Variants in TRPS1 observed in about 807,000 individuals in gnomAD.
The protein encoded by TRPS1 is zinc finger transcription factor Trps1.
Under a neutral mutation model 101.2 loss-of-function variants are expected in TRPS1, and 6 were observed. The observed-to-expected ratio is 0.06, with a 90% CI of 0.03 to 0.12. The LOEUF (loss-of-function observed/expected upper bound fraction) is 0.12. Ranked by LOEUF, TRPS1 falls within the 10% of genes least tolerant of loss-of-function variation. TRPS1 has a pLI of 1.00. For synonymous variants in TRPS1, 578 were observed against 589.8 expected (o/e 0.98, Z 0.29); for missense variants, 1,363 against 1,567.0 (o/e 0.87, Z 2.20).
At chr8:115,484,725 C>T (rs1814836413) in intron 5 of TRPS1, among the ~76,000 whole-genome samples, 1 of 152,118 alleles carries the variant, frequency 6.6e-6, no homozygotes, top group Admixed American at 6.6e-5. Context: ...GGGTAAGATG[C>T]CATACTAATT....
chr8:115,563,735 T>TC (rs1254639602), intron 5 of TRPS1, among the ~76,000 whole-genome samples: 1 of 152,060 alleles, frequency 6.6e-6, no homozygotes, highest in Non-Finnish European at 1.5e-5. Flanking sequence ...CACTTTAAGT[T>TC]CCCAAGCTGT....
rs1817988961 is a variant in TRPS1 at position 115,604,545 on chromosome 8, A to C, written c.1424T>G (p.Val475Gly). 6.2e-7 allele frequency: 1 copy of C among 1,613,974 alleles called. No homozygotes were observed. Among genetic ancestry groups the C allele is most frequent in the Non-Finnish European group, 8.5e-7 (1 of 1,179,992 alleles). The change falls in exon 4 of 7, where the codon GTG becomes GGG. Residue 475 changes from valine to glycine, a missense_variant. Physicochemically the swap from Val to Gly is moderately radical, Grantham distance 109. Around this residue, in one of 5 missense-constraint regions of TRPS1, gnomAD observed 1,020 missense variants for 1,073.0 expected, o/e 0.95. Coordinates refer to ENST00000395715, the MANE Select transcript of TRPS1 (RefSeq NM_014112.5). The surrounding 1 kb of genome is among the most constrained non-coding windows in gnomAD (Gnocchi z 4.1). ...LEHYGKQHGA[V>G]QSGGLNPELN... ...CTCTGGATTAAGGCCGCCTGACTGC[A>C]CTGCTCCGTGCTGCTTGCCATAATG...
intron 5 of TRPS1, among the ~76,000 whole-genome samples, chr8:115,572,272 G>A (rs748866769): frequency 1.1e-4 from 17 of 151,992 alleles, no homozygotes; most frequent in Non-Finnish European, 7.4e-5. Context: ...ATTTTTAGTT[G>A]GAGTGAAAAG....
At chr8:115,458,572 T>C (rs1304967815) in intron 5 of TRPS1, among the ~76,000 whole-genome samples, 1 of 152,170 alleles carries the variant, frequency 6.6e-6, no homozygotes, top group Non-Finnish European at 1.5e-5. Context: ...TGAATAATTT[T>C]GCTATACTTT....
At chr8:115,573,222 G>A (rs1387826327) in intron 5 of TRPS1, among the ~76,000 whole-genome samples, 1 of 152,050 alleles carries the variant, frequency 6.6e-6, no homozygotes, top group Non-Finnish European at 1.5e-5. Flanking sequence ...TTCACTAGCT[G>A]GGTGACTTTT....
intron 5 of TRPS1, among the ~76,000 whole-genome samples, chr8:115,533,444 T>TGTTTG (rs1554583388): frequency 1.6e-5 from 2 of 126,536 alleles, no homozygotes; most frequent in African/African-American, 6.8e-5. Context: ...CTGTTTTTTT[T>TGTTTG]TTTTTTTTTT....
chr8:115,440,969 A>G (rs1813578262), intron 5 of TRPS1, among the ~76,000 whole-genome samples: 1 of 152,174 alleles, frequency 6.6e-6, no homozygotes, highest in South Asian at 2.1e-4. Flanking sequence ...TTCAATTAGA[A>G]TATTTTTGCT....
At chr8:115,606,363 T>C (rs1818038153) in intron 3 of TRPS1, among the ~76,000 whole-genome samples, 1 of 152,208 alleles carries the variant, frequency 6.6e-6, no homozygotes, top group Non-Finnish European at 1.5e-5. Flanking sequence ...ACCTCCAAAT[T>C]TATGTCCAGT....
chr8:115,512,892 T>C (rs1224792470), intron 5 of TRPS1, among the ~76,000 whole-genome samples: 1 of 151,700 alleles, frequency 6.6e-6, no homozygotes, highest in Non-Finnish European at 1.5e-5. Flanking sequence ...CAAAAACATT[T>C]AACTCCTTTT....
At chr8:115,486,109 G>A (rs983018884) in intron 5 of TRPS1, among the ~76,000 whole-genome samples, 2 of 152,174 alleles carry the variant, frequency 1.3e-5, no homozygotes, top group African/African-American at 4.8e-5. Flanking sequence ...TTTCCCAACA[G>A]CACGTGCTCA....
intron 1 of TRPS1, 48 bp from the exon 2 acceptor site, chr8:115,623,806 C>T: frequency 1.4e-6 from 2 of 1,402,190 alleles, no homozygotes; most frequent in African/African-American, 2.9e-5. Flanking sequence ...ATGATGTAAA[C>T]ATATTTTCAT....
intron 5 of TRPS1, among the ~76,000 whole-genome samples, chr8:115,560,538 T>C (rs762274579): frequency 7.2e-5 from 11 of 152,116 alleles, no homozygotes; most frequent in Non-Finnish European, 1.6e-4. Context: ...AATGCAAAAT[T>C]AGCCACACTG....
intron 3 of TRPS1, among the ~76,000 whole-genome samples, chr8:115,618,799 C>A (rs1818323724): frequency 6.6e-6 from 1 of 152,106 alleles, no homozygotes; most frequent in Non-Finnish European, 1.5e-5. Context: ...TCATGTGCAA[C>A]CATAAAGATT....
intron 1 of TRPS1, among the ~76,000 whole-genome samples, chr8:115,667,627 C>T (rs540661579): frequency 6.6e-6 from 1 of 152,336 alleles, no homozygotes; most frequent in South Asian, 2.1e-4. Flanking sequence ...GGCCCTGCCA[C>T]ATGGTACGGA....
intron 5 of TRPS1, among the ~76,000 whole-genome samples, chr8:115,512,134 C>T (rs1461298600): frequency 3.3e-5 from 5 of 151,732 alleles, no homozygotes; most frequent in Middle Eastern, 6.8e-3. Flanking sequence ...TTTATAAAAG[C>T]TATAAAAATT....
chr8:115,415,586 T>G (rs1812899119), intron 6 of TRPS1, among the ~76,000 whole-genome samples: 1 of 152,084 alleles, frequency 6.6e-6, no homozygotes, highest in Non-Finnish European at 1.5e-5. Context: ...GGAGACAGGG[T>G]CCTTAGTAGG....
At chr8:115,656,502 T>G (rs1327767936) in intron 1 of TRPS1, among the ~76,000 whole-genome samples, 2 of 152,120 alleles carry the variant, frequency 1.3e-5, no homozygotes, top group African/African-American at 2.4e-5. Context: ...GTGAGTTCTT[T>G]TTTTTCTTTT....
intron 5 of TRPS1, among the ~76,000 whole-genome samples, chr8:115,529,473 GA>G (rs1345126463): frequency 4.6e-5 from 7 of 152,028 alleles, no homozygotes; most frequent in African/African-American, 1.4e-4. Flanking sequence ...GGAAATCACT[GA>G]AAAAGATTAC....
At chr8:115,535,143 T>C (rs1816255001) in intron 5 of TRPS1, among the ~76,000 whole-genome samples, 1 of 148,022 alleles carries the variant, frequency 6.8e-6, no homozygotes, top group Non-Finnish European at 1.5e-5. Flanking sequence ...ATATAGCATA[T>C]ATATAGCATA....
Sources: allele counts gnomAD v4.1 joint callset (sites outside exome capture counted in the v4.1 genomes callset), GRCh38; gene constraint gnomAD v4.1.1; regional missense constraint gnomAD v4.1.1; non-coding constraint Gnocchi (gnomAD v3.1); transcripts MANE v1.5; gene names NCBI Gene and HGNC (gene_info 2026-07-23, HGNC 2026-07-21).